The following BACE2 variants were observed in gnomAD, a reference collection of about 807,000 sequenced individuals.
BACE2 encodes 56 kDa aspartic-like protease.
A neutral mutation model predicts 46.2 loss-of-function variants in BACE2; 17 were observed. The observed-to-expected ratio is 0.37, with a 90% confidence interval of 0.25 to 0.55. The LOEUF (loss-of-function observed/expected upper bound fraction) is 0.55, where lower values mean the gene tolerates loss of function less well. Ranked by LOEUF, BACE2 falls within the 20% of genes least tolerant of loss-of-function variation. The pLI, the probability that BACE2 is intolerant of heterozygous loss-of-function variation, is 0.82. For synonymous variants in BACE2, 277 were observed against 295.9 expected (o/e 0.94, Z 0.66); for missense variants, 595 against 698.1 (o/e 0.85, Z 1.66).
intron 1 of BACE2, among the ~76,000 whole-genome samples, chr21:41,192,941 C>T (rs1266396961): frequency 1.3e-5 from 2 of 152,256 alleles, no homozygotes; most frequent in Non-Finnish European, 2.9e-5. Context: ...ACAAGCCCCA[C>T]ACCACTGGAC....
chr21:41,238,362 C>T (rs1394902720), intron 3 of BACE2, among the ~76,000 whole-genome samples: 2 of 152,188 alleles, frequency 1.3e-5, no homozygotes, highest in Non-Finnish European at 1.5e-5. Context: ...AATATTTGTA[C>T]TTGGGGCCTA....
At chr21:41,235,317 G>A (rs1032162337) in intron 2 of BACE2, among the ~76,000 whole-genome samples, 2 of 152,094 alleles carry the variant, frequency 1.3e-5, no homozygotes, top group Admixed American at 1.3e-4. Context: ...GCACATAATA[G>A]CGCATCATAT....
rs201589856 is a variant in BACE2 at position 41,275,785 on chromosome 21, CTTG to C, written c.*162_*164del. On this transcript the variant is annotated 3_prime_UTR_variant, in exon 9 of 9. Coordinates refer to ENST00000330333, the MANE Select transcript of BACE2 (RefSeq NM_012105.5). Reference sequence around the variant, plus strand: ...CTTCTAGATTCACTGTCTTTTGATTCTTGATTTTCAAGCTTTCAAATCCTCCCT... The same window carrying C: ...CTTCTAGATTCACTGTCTTTTGATTCATTTTCAAGCTTTCAAATCCTCCCT... 2,426 of 844,956 alleles carry C rather than the reference CTTG, an allele frequency of 2.9e-3. 37 individuals are homozygous for C. The African/African-American group carries it at 0.037, about 13-fold the overall frequency. The allele number at this position is 844,956 out of a possible 1,614,324, so 52.3% of individuals were successfully genotyped here. A position where few individuals can be genotyped will look rare whatever the true frequency, so the allele number is the denominator to read the frequency against.
intron 8 of BACE2, among the ~76,000 whole-genome samples, chr21:41,258,481 A>C (rs1007951113): frequency 5.3e-5 from 8 of 152,238 alleles, no homozygotes; most frequent in Non-Finnish European, 1.0e-4. Context: ...CAAAATGCCA[A>C]GTGATCACAG....
At chr21:41,243,975 G>A (rs1274126738) in intron 5 of BACE2, among the ~76,000 whole-genome samples, 2 of 152,126 alleles carry the variant, frequency 1.3e-5, no homozygotes, top group African/African-American at 2.4e-5. Context: ...CCTAAAAAAC[G>A]GTCATGCTGT....
chr21:41,271,013 A>G (rs1051522826), intron 8 of BACE2, among the ~76,000 whole-genome samples: 4 of 152,174 alleles, frequency 2.6e-5, no homozygotes, highest in Non-Finnish European at 5.9e-5. Context: ...TAGGATTTTT[A>G]TGTCCTATTT....
chr21:41,198,456 C>G (rs1007126279), intron 1 of BACE2, among the ~76,000 whole-genome samples: 2 of 152,214 alleles, frequency 1.3e-5, no homozygotes, highest in South Asian at 4.1e-4. Flanking sequence ...CAGGCTAGAT[C>G]CTAGAATATC....
At chr21:41,238,016 G>A (rs1987175230) in intron 3 of BACE2, among the ~76,000 whole-genome samples, 1 of 152,256 alleles carries the variant, frequency 6.6e-6, no homozygotes, top group Non-Finnish European at 1.5e-5. Flanking sequence ...CATGTAGATT[G>A]TGGTGTGTGT....
chr21:41,232,163 A>G (rs919827058), intron 2 of BACE2, among the ~76,000 whole-genome samples: 1 of 152,130 alleles, frequency 6.6e-6, no homozygotes, highest in African/African-American at 2.4e-5. Flanking sequence ...TCAAGTGTTC[A>G]TTAGTCACAA....
chr21:41,244,142 A>G (rs1386916000), intron 5 of BACE2, among the ~76,000 whole-genome samples: 1 of 152,196 alleles, frequency 6.6e-6, no homozygotes, highest in African/African-American at 2.4e-5. Context: ...TCAGTCTTCT[A>G]TAGCACTTTT....
In BACE2 at chr21:41,278,051, T is replaced by A. The variant is rs983012712; in HGVS notation, c.*2427T>A. On this transcript the variant is annotated 3_prime_UTR_variant, in exon 9 of 9. Transcript: ENST00000330333. ...CAGTTATGCAAATTGATGCTTAGCTTGGCAAGCTTTCAAGGAGGTTTGCTT... is the reference window on the plus strand; with the variant it reads ...CAGTTATGCAAATTGATGCTTAGCTAGGCAAGCTTTCAAGGAGGTTTGCTT... 2 of 152,226 alleles carry A rather than the reference T, an allele frequency of 1.3e-5. No individual in the cohort carries two copies. Among genetic ancestry groups the A allele is most frequent in the Non-Finnish European group, 2.9e-5 (2 of 68,040 alleles). 9.4% of individuals were successfully genotyped at this position (152,226 alleles called of 1,614,324 possible).
chr21:41,221,220 CAG>C (rs902694677), intron 1 of BACE2, among the ~76,000 whole-genome samples: 4 of 152,110 alleles, frequency 2.6e-5, no homozygotes, highest in Non-Finnish European at 5.9e-5. Context: ...TGAGAAAACA[CAG>C]GGGTGTGACC....
chr21:41,267,127 G>C (rs1197283465), intron 8 of BACE2, among the ~76,000 whole-genome samples: 1 of 152,198 alleles, frequency 6.6e-6, no homozygotes, highest in Non-Finnish European at 1.5e-5. Flanking sequence ...TTCCAGCGAA[G>C]GCACAGCAGG....
chr21:41,253,740 G>T (rs956769763), intron 7 of BACE2, among the ~76,000 whole-genome samples: 1 of 152,162 alleles, frequency 6.6e-6, no homozygotes. Flanking sequence ...AATGAGAGGG[G>T]TTTGGGAGCA....
chr21:41,223,522 CG>C (rs1986719654), intron 1 of BACE2, among the ~76,000 whole-genome samples: 2 of 152,280 alleles, frequency 1.3e-5, no homozygotes, highest in Middle Eastern at 3.4e-3. Context: ...CTTGTGACTC[CG>C]TCACTCCCAT....
At chr21:41,194,880 A>T (rs1177075678) in intron 1 of BACE2, among the ~76,000 whole-genome samples, 1 of 152,228 alleles carries the variant, frequency 6.6e-6, no homozygotes, top group Non-Finnish European at 1.5e-5. Context: ...ATGGCAGGAC[A>T]CATCTGAAAG....
chr21:41,200,687 C>G (rs984259143), intron 1 of BACE2, among the ~76,000 whole-genome samples: 8 of 152,164 alleles, frequency 5.3e-5, no homozygotes, highest in African/African-American at 1.9e-4. Flanking sequence ...AGGGTGGGCC[C>G]TGATCCAGTC....
chr21:41,175,314 GACAAAGA>G (rs1984781026), intron 1 of BACE2: 2 of 152,244 alleles, frequency 1.3e-5, no homozygotes, highest in South Asian at 4.1e-4. Flanking sequence ...ATTGCAGGAA[GACAAAGA>G]GACTGTCTAG....
intron 8 of BACE2, among the ~76,000 whole-genome samples, chr21:41,273,681 G>A (rs908325779): frequency 6.6e-6 from 1 of 152,118 alleles, no homozygotes; most frequent in Non-Finnish European, 1.5e-5. Context: ...TCCTGAGGTG[G>A]CATACATTCT....
Sources: allele counts gnomAD v4.1 joint callset (sites outside exome capture counted in the v4.1 genomes callset), GRCh38; gene constraint gnomAD v4.1.1; transcripts MANE v1.5; gene names NCBI Gene and HGNC (gene_info 2026-07-23, HGNC 2026-07-21).